ATP6V1H: variants seen among roughly 807,000 people sequenced by gnomAD.
The protein encoded by ATP6V1H is V-type proton ATPase subunit H.
In ATP6V1H, 39 loss-of-function variants were observed where a neutral mutation model predicts 71.7. That is an observed-to-expected ratio of 0.54 (90% CI 0.42 to 0.71). The LOEUF (loss-of-function observed/expected upper bound fraction) is 0.71, where lower values mean the gene tolerates loss of function less well. Among genes scored for constraint, ATP6V1H ranks in the 30% least tolerant of loss-of-function variants. ATP6V1H has a pLI of 0.00. For missense variants in ATP6V1H, 509 were observed against 594.9 expected (o/e 0.86, Z 1.50); for synonymous variants, 192 against 199.3 (o/e 0.96, Z 0.31).
chr8:53,764,864 G>A (rs1051494708), intron 11 of ATP6V1H, among the ~76,000 whole-genome samples: 1 of 152,140 alleles, frequency 6.6e-6, no homozygotes, highest in South Asian at 2.1e-4. Context: ...TTGGAAGGCA[G>A]AGATGGGAGG....
At position 53,829,486 on chromosome 8, in the gene ATP6V1H, C is replaced by A; in HGVS notation, c.264G>T (p.Gln88His). ...CCATAGTTAGTATATACTGAACGGTCTGTTCTTTGCAGATATGAGTCATCA... is the reference window on the plus strand; with the variant it reads ...CCATAGTTAGTATATACTGAACGGTATGTTCTTTGCAGATATGAGTCATCA... ...INLMTHICKE[Q>H]TVQYILTMVD... The change falls in exon 4 of 14, where the codon CAG (glutamine) becomes CAT (histidine). Residue 88 changes from glutamine (Q) to histidine (H), a missense_variant. Around this residue, in one of 2 missense-constraint regions of ATP6V1H, gnomAD observed 297 missense variants for 303.3 expected, o/e 0.98. Transcript: ENST00000359530. 1 of 1,602,874 alleles carries A rather than the reference C, an allele frequency of 6.2e-7. No individual in the cohort carries two copies. The highest frequency in any genetic ancestry group is 1.1e-5 in the South Asian group (1 of 88,676).
At chr8:53,822,182 G>A (rs1810685309) in intron 4 of ATP6V1H, among the ~76,000 whole-genome samples, 1 of 152,092 alleles carries the variant, frequency 6.6e-6, no homozygotes, top group African/African-American at 2.4e-5. Context: ...AAATTTTAAT[G>A]CAAAAATTTA....
chr8:53,797,910 C>A (rs1028850128), intron 8 of ATP6V1H, among the ~76,000 whole-genome samples: 25 of 152,196 alleles, frequency 1.6e-4, no homozygotes, highest in African/African-American at 5.3e-4. Flanking sequence ...GTTAATAATT[C>A]TTCATATCAA....
At chr8:53,750,980 T>C (rs923378809) in intron 12 of ATP6V1H, among the ~76,000 whole-genome samples, 2 of 152,170 alleles carry the variant, frequency 1.3e-5, no homozygotes, top group African/African-American at 4.8e-5. Context: ...TCAATGAGTA[T>C]TAACTCACTC....
intron 13 of ATP6V1H, among the ~76,000 whole-genome samples, chr8:53,724,113 T>C (rs552486572): frequency 7.2e-4 from 110 of 152,194 alleles, no homozygotes; most frequent in Non-Finnish European, 1.4e-3. Flanking sequence ...GCAATGCCTA[T>C]GCCATCCGAA....
At chr8:53,744,934 G>C (rs1807547407) in intron 12 of ATP6V1H, among the ~76,000 whole-genome samples, 1 of 152,170 alleles carries the variant, frequency 6.6e-6, no homozygotes, top group Non-Finnish European at 1.5e-5. Flanking sequence ...GATGATTAAA[G>C]GACATAAAGC....
In ATP6V1H at chr8:53,716,036, G is replaced by GA. The variant is rs1563432764; in HGVS notation, c.1392-13dup. Reference sequence around the variant, plus strand: ...TGCCAAGGTATTCCCTGAAAAAAAAGAATGAAGTAAGGAGAATGAGAATTT... The same window carrying GA: ...TGCCAAGGTATTCCCTGAAAAAAAAGAAATGAAGTAAGGAGAATGAGAATTT... On this transcript the variant is annotated splice_polypyrimidine_tract_variant and intron_variant, in intron 13 of 13. Coordinates refer to ENST00000359530, the MANE Select transcript of ATP6V1H (RefSeq NM_015941.4). The GA allele has an allele frequency of 3.8e-6, 6 of 1,599,748 alleles. No homozygotes were observed.
At chr8:53,730,257 T>C (rs973585525) in intron 13 of ATP6V1H, among the ~76,000 whole-genome samples, 19 of 152,218 alleles carry the variant, frequency 1.2e-4, no homozygotes, top group Admixed American at 2.0e-4. Context: ...TCTCCTTATA[T>C]TTAAGCTAAC....
At chr8:53,747,123 A>G (rs1807629454) in intron 12 of ATP6V1H, among the ~76,000 whole-genome samples, 1 of 152,126 alleles carries the variant, frequency 6.6e-6, no homozygotes, top group South Asian at 2.1e-4. Flanking sequence ...TTCTATCTTA[A>G]TATAAATAAT....
intron 9 of ATP6V1H, among the ~76,000 whole-genome samples, chr8:53,781,091 T>C (rs1180609273): frequency 2.4e-4 from 37 of 152,214 alleles, no homozygotes; most frequent in Admixed American, 2.4e-3. Context: ...GTATTTCTAG[T>C]TCTAGATCCC....
At chr8:53,719,327 C>T (rs1446969474) in intron 13 of ATP6V1H, among the ~76,000 whole-genome samples, 6 of 152,002 alleles carry the variant, frequency 3.9e-5, no homozygotes, top group Admixed American at 6.6e-5. Context: ...CGCACCACCA[C>T]GCTCGGCTAA....
intron 9 of ATP6V1H, among the ~76,000 whole-genome samples, chr8:53,783,695 C>T (rs1809254980): frequency 6.6e-6 from 1 of 152,154 alleles, no homozygotes; most frequent in African/African-American, 2.4e-5. Context: ...ATAAATTTCC[C>T]TCTACACACT....
chr8:53,806,837 G>A (rs537791162), intron 7 of ATP6V1H: 20 of 454,502 alleles, frequency 4.4e-5, no homozygotes, highest in East Asian at 2.1e-4. Flanking sequence ...TGAACAGCTC[G>A]TGTAATTTAC....
intron 7 of ATP6V1H, among the ~76,000 whole-genome samples, chr8:53,808,702 G>T (rs1312487043): frequency 1.3e-5 from 2 of 151,918 alleles, no homozygotes; most frequent in East Asian, 1.9e-4. Context: ...TGGTTGGGCT[G>T]AGGCTGGAGG....
chr8:53,841,963 T>C (rs1811356172), intron 1 of ATP6V1H, among the ~76,000 whole-genome samples: 1 of 152,148 alleles, frequency 6.6e-6, no homozygotes, highest in Non-Finnish European at 1.5e-5. Context: ...GCACTAACAC[T>C]GCAGTAAGAT....
rs1185167301 is a variant in ATP6V1H, at chr8:53,819,687, A to T, written c.307-2157T>A. 1.4e-4 allele frequency among the ~76,000 whole-genome samples: 16 copies of T among 112,286 alleles called. 1 individual carries two copies. The highest frequency in any genetic ancestry group is 3.6e-4 in the African/African-American group (8 of 22,314). The allele number at this position is 112,286 out of a possible 152,430, so 73.7% of individuals were successfully genotyped here. A position where few individuals can be genotyped will look rare whatever the true frequency, so the allele number is the denominator to read the frequency against. ...ATACATATATACATATGTATATACA[A>T]ATGTATATATGTATATACGTATATA... On this transcript the variant is annotated intron_variant, in intron 4 of 13. Transcript: ENST00000359530.
At chr8:53,787,495 ACAT>A (rs1011987401) in intron 9 of ATP6V1H, among the ~76,000 whole-genome samples, 1 of 151,924 alleles carries the variant, frequency 6.6e-6, no homozygotes, top group Non-Finnish European at 1.5e-5. Context: ...TGTGAATTAA[ACAT>A]CATGATTAAT....
chr8:53,779,912 A>C (rs1009755530), intron 9 of ATP6V1H, among the ~76,000 whole-genome samples: 1 of 152,162 alleles, frequency 6.6e-6, no homozygotes, highest in Non-Finnish European at 1.5e-5. Context: ...TAATTCCAGC[A>C]CTTTGGGAGG....
In ATP6V1H at chr8:53,722,294, T is replaced by C. The variant is rs571146770; in HGVS notation, c.1392-6270A>G. Among the ~76,000 whole-genome samples, 8 of 152,302 alleles carry C rather than the reference T, an allele frequency of 5.3e-5. No individual in the cohort carries two copies. The South Asian group carries it at 6.2e-4, about 12-fold the overall frequency. On this transcript the variant is annotated intron_variant, in intron 13 of 13. Transcript: ENST00000359530. ...GCAACGCACTGAGCCACTCAAAGCA[T>C]TGGAGTTGGCAGCAAACACTCCTTT...
Sources: allele counts gnomAD v4.1 joint callset (sites outside exome capture counted in the v4.1 genomes callset), GRCh38; gene constraint gnomAD v4.1.1; regional missense constraint gnomAD v4.1.1; transcripts MANE v1.5; gene names NCBI Gene and HGNC (gene_info 2026-07-23, HGNC 2026-07-21).